The following INSL6 variants were observed in gnomAD, a reference collection of about 807,000 sequenced individuals.
INSL6 encodes insulin-like peptide INSL6.
In INSL6, 16 loss-of-function variants were observed where a neutral mutation model predicts 9.4. The observed-to-expected ratio is 1.70, with a 90% confidence interval of 1.15 to 2.59. The LOEUF is 2.59. Ranked by LOEUF, INSL6 falls within the 30% of genes most tolerant of loss-of-function variation. The probability of loss-of-function intolerance (pLI) is 0.00; values close to 1 mark genes in which losing one functional copy is unlikely to be tolerated. For synonymous variants in INSL6, 154 were observed against 96.9 expected (o/e 1.59, Z -3.46); for missense variants, 391 against 257.3 (o/e 1.52, Z -3.56).
chr9:5,084,011 A>G, the INSL6 span, among the ~76,000 whole-genome samples: 28 of 152,102 alleles, frequency 1.8e-4, no homozygotes, highest in African/African-American at 6.8e-4. Context: ...ACCATAATTT[A>G]TTTACAACAT....
At chr9:5,177,862 C>A (rs1349613114) in intron 1 of INSL6, among the ~76,000 whole-genome samples, 1 of 152,110 alleles carries the variant, frequency 6.6e-6, no homozygotes, top group Non-Finnish European at 1.5e-5. Context: ...TGTGGCCAGA[C>A]TGCTTCTTTC....
chr9:5,053,445 C>G, the INSL6 span, among the ~76,000 whole-genome samples: 2 of 151,852 alleles, frequency 1.3e-5, no homozygotes, highest in Non-Finnish European at 2.9e-5. Context: ...ATTTTACTTT[C>G]CTGAAGGTAT....
chr9:5,085,036 G>C, the INSL6 span: 8 of 798,792 alleles, frequency 1.0e-5, no homozygotes, highest in African/African-American at 6.9e-5. Context: ...AGTTGAATGA[G>C]GGCGTCTCTT....
At chr9:5,046,906 G>A in the INSL6 span, among the ~76,000 whole-genome samples, 1 of 152,120 alleles carries the variant, frequency 6.6e-6, no homozygotes, top group Non-Finnish European at 1.5e-5. Context: ...CCATTTATAA[G>A]CCAAGTTTTC....
the INSL6 span, chr9:5,100,113 T>C: frequency 6.6e-6 from 1 of 152,236 alleles, no homozygotes; most frequent in Non-Finnish European, 1.5e-5. Context: ...CTATTAGTTT[T>C]CCCACAGCTT....
the INSL6 span, chr9:5,081,896 T>G: frequency 1.3e-6 from 2 of 1,547,362 alleles, no homozygotes; most frequent in Non-Finnish European, 1.8e-6. Flanking sequence ...TAGAGTATAA[T>G]CATTTCATTT....
chr9:5,097,123 G>C, the INSL6 span: 3 of 152,006 alleles, frequency 2.0e-5, no homozygotes, highest in Non-Finnish European at 4.4e-5. Flanking sequence ...TCACTTGGCA[G>C]GTATTCTATT....
intron 3 of INSL6, among the ~76,000 whole-genome samples, chr9:5,132,604 T>C (rs986516173): frequency 4.6e-5 from 7 of 152,082 alleles, no homozygotes; most frequent in African/African-American, 9.7e-5. Context: ...CTTTTCTACA[T>C]AGACATTCAC....
chr9:5,100,622 T>C, the INSL6 span: 1 of 152,244 alleles, frequency 6.6e-6, no homozygotes, highest in South Asian at 2.1e-4. Flanking sequence ...CGCTTAGAAG[T>C]ACCTTTCTGA....
At position 5,164,004 on chromosome 9, in the gene INSL6, G is replaced by C; in HGVS notation, c.551C>G (p.Thr184Arg). Reference protein sequence around the residue: ...YSEKCCLTGCTKEELSIACLP... With the variant: ...YSEKCCLTGCRKEELSIACLP... The stretch of plus-strand genomic sequence containing the variant: ...ACATGCAATGCTAAGTTCTTCTTTT[G>C]TACATCCTGTAAGACAACACTTTTC... Residue 184 changes from threonine to arginine, a missense_variant, in exon 2 of 2, where the codon ACA becomes AGA. Transcript: ENST00000381641. The C allele has an allele frequency of 6.2e-7, 1 of 1,613,074 alleles. No homozygotes were observed. The highest frequency in any genetic ancestry group is 8.5e-7 in the Non-Finnish European group (1 of 1,179,720).
chr9:5,082,191 G>A, the INSL6 span, among the ~76,000 whole-genome samples: 1 of 152,214 alleles, frequency 6.6e-6, no homozygotes, highest in African/African-American at 2.4e-5. Context: ...ACCAACACTG[G>A]TCTCTGAGTT....
intron 2 of INSL6, among the ~76,000 whole-genome samples, chr9:5,158,131 T>C (rs568156890): frequency 2.0e-5 from 3 of 152,060 alleles, no homozygotes; most frequent in Non-Finnish European, 2.9e-5. Context: ...AGACAGGCTA[T>C]TTGAAAATAC....
At chr9:5,162,382 T>C (rs903390470), downstream of INSL6, among the ~76,000 whole-genome samples, 7 of 152,204 alleles carry the variant, frequency 4.6e-5, no homozygotes, top group African/African-American at 1.7e-4. Flanking sequence ...TTAAAAAATG[T>C]GTAGGGAAGT....
chr9:5,013,531 T>C, the INSL6 span, among the ~76,000 whole-genome samples: 3 of 152,370 alleles, frequency 2.0e-5, no homozygotes, highest in South Asian at 2.1e-4. Flanking sequence ...CTGACCTATC[T>C]GAACCTTCCA....
the INSL6 span, among the ~76,000 whole-genome samples, chr9:5,080,062 C>T: frequency 6.6e-6 from 1 of 152,176 alleles, no homozygotes; most frequent in Admixed American, 6.6e-5. Flanking sequence ...AAGGTCCCTT[C>T]TGGTTCTTAA....
chr9:5,142,609 C>G (rs1824523634), intron 2 of INSL6, among the ~76,000 whole-genome samples: 1 of 152,156 alleles, frequency 6.6e-6, no homozygotes, highest in Admixed American at 6.5e-5. Flanking sequence ...TGGGCTGAGA[C>G]TATGGGGTTT....
the INSL6 span, among the ~76,000 whole-genome samples, chr9:5,011,930 T>G: frequency 2.6e-5 from 4 of 152,152 alleles, no homozygotes; most frequent in Non-Finnish European, 5.9e-5. Flanking sequence ...GCCTGAGATA[T>G]TTACCAGTTC....
the INSL6 span, among the ~76,000 whole-genome samples, chr9:5,083,332 G>T: frequency 1.3e-5 from 2 of 152,156 alleles, no homozygotes; most frequent in Non-Finnish European, 2.9e-5. Flanking sequence ...GGAATGCTCA[G>T]TTCTTAGTAG....
chr9:5,142,474 G>A (rs1824520100), intron 2 of INSL6, among the ~76,000 whole-genome samples: 1 of 152,130 alleles, frequency 6.6e-6, no homozygotes, highest in African/African-American at 2.4e-5. Flanking sequence ...GTGAATGGGA[G>A]TTTGTTCCCG....
Sources: gnomAD v4.1 joint callset for allele counts (sites outside exome capture counted in the v4.1 genomes callset) on GRCh38, gnomAD v4.1.1 for gene constraint, MANE v1.5 for transcripts, NCBI Gene and HGNC (gene_info 2026-07-23, HGNC 2026-07-21) for gene names.